GSTA3: variants seen among roughly 807,000 people sequenced by gnomAD.
The protein encoded by GSTA3 is glutathione S-transferase A3.
In GSTA3, 16 loss-of-function variants were observed where a neutral mutation model predicts 23.1. That is an observed-to-expected ratio of 0.69 (90% CI 0.47 to 1.05). The LOEUF (loss-of-function observed/expected upper bound fraction) is 1.05. Among genes scored for constraint, GSTA3 ranks in the 50% least tolerant of loss-of-function variants. The pLI is 0.00. For missense variants in GSTA3, 319 were observed against 263.6 expected, an observed-to-expected ratio of 1.21 and a Z score of -1.46; for synonymous variants, 122 against 91.0, an observed-to-expected ratio of 1.34 and a Z score of -1.94.
At chr6:52,908,801 GTTA>G (rs1581873532) in intron 1 of GSTA3, among the ~76,000 whole-genome samples, 1 of 152,158 alleles carries the variant, frequency 6.6e-6, no homozygotes, top group Non-Finnish European at 1.5e-5. Context: ...TTAAGAGGGG[GTTA>G]TTATTATTCT....
In GSTA3 at chr6:52,902,328, A is replaced by C; in HGVS notation, c.272+18T>G. Reference sequence around the variant, plus strand: ...CTCTGTGTTCTCTGTGGATGGAAGAACACAAAATATACCGTACAGGGCTCT... The same window carrying C: ...CTCTGTGTTCTCTGTGGATGGAAGACCACAAAATATACCGTACAGGGCTCT... On this transcript the variant is annotated intron_variant, in intron 4 of 6. Transcript: ENST00000211122. 1.2e-6 allele frequency: 2 copies of C among 1,612,316 alleles called. No homozygotes were observed. The highest frequency in any genetic ancestry group is 1.7e-6 in the Non-Finnish European group (2 of 1,179,426).
intron 4 of GSTA3, 73 bp from the exon 5 acceptor site, chr6:52,900,148 G>T: frequency 7.6e-7 from 1 of 1,307,358 alleles, no homozygotes; most frequent in Non-Finnish European, 1.1e-6. Context: ...AAACCTAAGA[G>T]AATAGAGGGT....
At chr6:52,902,267 T>C in intron 4 of GSTA3, 79 bp downstream of exon 4, 1 of 1,570,442 alleles carries the variant, frequency 6.4e-7, no homozygotes, top group Non-Finnish European at 8.7e-7. Flanking sequence ...TGATGCCCTG[T>C]CATGGTCTCA....
At chr6:52,907,327 G>A (rs1345085023) in intron 1 of GSTA3, among the ~76,000 whole-genome samples, 1 of 127,226 alleles carries the variant, frequency 7.9e-6, no homozygotes, top group South Asian at 2.6e-4. Flanking sequence ...GAAACAACAG[G>A]TGCTGGAGAG....
At chr6:52,899,267 T>C (rs1196674696) in intron 5 of GSTA3, among the ~76,000 whole-genome samples, 2 of 152,222 alleles carry the variant, frequency 1.3e-5, no homozygotes, top group African/African-American at 4.8e-5. Context: ...TACTGACATG[T>C]TAATTCTTTG....
At chr6:52,904,686 C>T (rs958079918) in intron 2 of GSTA3, among the ~76,000 whole-genome samples, 23 of 152,114 alleles carry the variant, frequency 1.5e-4, no homozygotes, top group Admixed American at 1.3e-3. Flanking sequence ...TGGAGGAAAA[C>T]CCTCAGGCAG....
Position 52,902,436 on chromosome 6 carries a change from T to A in GSTA3, c.182A>T (p.Asp61Val). 6.2e-7 allele frequency: 1 copy of A among 1,613,760 alleles called. No homozygotes were observed. Among genetic ancestry groups the A allele is most frequent in the Non-Finnish European group, 8.5e-7 (1 of 1,179,816 alleles). The part of the protein sequence containing the change: ...MFQQVPMVEI[D>V]GMKLVQTRAI... ...TCTGGTCTGTACCAACTTCATCCCA[T>A]CAATCTCAACCATTGGTACTTGCTG... The change falls in exon 4 of 7, where the codon GAT (aspartate) becomes GTT (valine). Residue 61 changes from aspartate (D) to valine (V), a missense_variant. Physicochemically the swap from Asp to Val is radical, Grantham distance 152. Transcript: ENST00000211122.
At chr6:52,907,057 C>T (rs1232328300) in intron 1 of GSTA3, among the ~76,000 whole-genome samples, 1 of 149,650 alleles carries the variant, frequency 6.7e-6, no homozygotes, top group African/African-American at 2.5e-5. Context: ...TTTTCGCAAC[C>T]TACTTATCTG....
Position 52,907,896 on chromosome 6 carries a change from G to A in GSTA3, c.-22+1745C>T, listed in dbSNP as rs1765946614. ...GCTGGATGATGAGTTGGTGGGTGCA[G>A]CACACCAGCATGGCACATGTATGCA... On this transcript the variant is annotated intron_variant, in intron 1 of 6. Coordinates refer to ENST00000211122, the MANE Select transcript of GSTA3 (RefSeq NM_000847.5). Among the ~76,000 whole-genome samples the A allele has an allele frequency of 3.3e-5, 5 of 151,600 alleles. No individual in the cohort carries two copies. In the South Asian group the frequency reaches 1.0e-3, roughly 32 times the overall value.
chr6:52,907,580 C>T (rs1289312629), intron 1 of GSTA3, among the ~76,000 whole-genome samples: 5 of 151,082 alleles, frequency 3.3e-5, no homozygotes, highest in African/African-American at 9.8e-5. Flanking sequence ...ACCCAAATGT[C>T]CAACAATGAC....
intron 6 of GSTA3, 91 bp from the exon 7 acceptor site, chr6:52,897,019 A>T: frequency 6.4e-7 from 1 of 1,559,408 alleles, no homozygotes; most frequent in Non-Finnish European, 8.7e-7. Flanking sequence ...CCTGCCAGAG[A>T]CCAAGTGAGT....
Position 52,896,681 on chromosome 6 carries a change from G to T in GSTA3, c.*125C>A. ...AATAGGAGTTTTTATTATTTAATTAGCATATAATTGGAAAGGGTTCATTAG... is the reference window on the plus strand; with the variant it reads ...AATAGGAGTTTTTATTATTTAATTATCATATAATTGGAAAGGGTTCATTAG... On this transcript the variant is annotated 3_prime_UTR_variant, in exon 7 of 7. Transcript: ENST00000211122. The T allele has an allele frequency of 1.9e-6, 2 of 1,073,622 alleles. No individual in the cohort carries two copies. The highest frequency in any genetic ancestry group is 1.3e-6 in the Non-Finnish European group (1 of 747,538). The allele number at this position is 1,073,622 out of a possible 1,614,324, so 66.5% of individuals were successfully genotyped here.
intron 6 of GSTA3, 37 bp downstream of exon 6, chr6:52,897,788 G>A (rs1765507035): frequency 1.9e-6 from 3 of 1,611,064 alleles, no homozygotes; most frequent in African/African-American, 2.7e-5. Context: ...GATGGGACAT[G>A]TGGGGCTGTC....
At chr6:52,904,861 C>A (rs1282341127) in intron 2 of GSTA3, among the ~76,000 whole-genome samples, 1 of 152,126 alleles carries the variant, frequency 6.6e-6, no homozygotes, top group African/African-American at 2.4e-5. Flanking sequence ...TTCTAGAAGC[C>A]CCCACCCCTG....
At position 52,901,591 on chromosome 6, in the gene GSTA3, C is replaced by T. The variant is rs990902608; in HGVS notation, c.272+755G>A. ...GAAAATTGCCGTTATTTGCACTGTA[C>T]GTTTATGTACAAGATTTGGTGTGGA... On this transcript the variant is annotated intron_variant, in intron 4 of 6. Transcript: ENST00000211122. Among the ~76,000 whole-genome samples the T allele has an allele frequency of 1.3e-4, 20 of 152,220 alleles. 1 individual carries two copies. The highest frequency in any genetic ancestry group is 3.4e-3 in the Middle Eastern group (1 of 294).
rs776616362 is a variant in GSTA3 at position 52,902,342 on chromosome 6, G to A, written c.272+4C>T. 1.8e-5 allele frequency: 29 copies of A among 1,613,420 alleles called. No individual in the cohort carries two copies. The highest frequency in any genetic ancestry group is 1.7e-4 in the Middle Eastern group (1 of 6,024). ...TGGATGGAAGAACACAAAATATACC[G>A]TACAGGGCTCTCTCCTTTATGTCTT... On this transcript the variant is annotated splice_donor_region_variant and intron_variant, in intron 4 of 6. Transcript: ENST00000211122.
At chr6:52,899,892 C>G (rs1561951692) in intron 5 of GSTA3, 42 bp downstream of exon 5, 3 of 1,607,258 alleles carry the variant, frequency 1.9e-6, no homozygotes, top group Non-Finnish European at 2.6e-6. Context: ...TTCTACTGGC[C>G]TCTAAACTCA....
intron 1 of GSTA3, among the ~76,000 whole-genome samples, chr6:52,909,261 A>C (rs992204575): frequency 6.6e-6 from 1 of 152,218 alleles, no homozygotes; most frequent in African/African-American, 2.4e-5. Context: ...TAAATCTAGT[A>C]TAATTGTGTG....
chr6:52,896,897 G>A lies in GSTA3; in HGVS notation c.578C>T (p.Thr193Met), dbSNP rs143163780. ...ALKTRISNLPTVKKFLQPGSP... is the reference protein window; with the variant it reads ...ALKTRISNLPMVKKFLQPGSP... ...GCCAGGCTGTAGAAACTTCTTCACCGTGGGCAGGTTGCTGATTCTGGTTTT... is the reference window on the plus strand; with the variant it reads ...GCCAGGCTGTAGAAACTTCTTCACCATGGGCAGGTTGCTGATTCTGGTTTT... The change falls in exon 7 of 7, where the codon ACG (threonine) becomes ATG (methionine). Residue 193 changes from threonine to methionine, a missense_variant. Coordinates refer to ENST00000211122, the MANE Select transcript of GSTA3 (RefSeq NM_000847.5). 2.1e-3 allele frequency: 3,392 copies of A among 1,613,950 alleles called. 12 individuals are homozygous for A. The highest frequency in any genetic ancestry group is 6.6e-3 in the Middle Eastern group (40 of 6,058).
Sources: gnomAD v4.1 joint callset for allele counts (sites outside exome capture counted in the v4.1 genomes callset) on GRCh38, gnomAD v4.1.1 for gene constraint, MANE v1.5 for transcripts, NCBI Gene and HGNC (gene_info 2026-07-23, HGNC 2026-07-21) for gene names.